The following R3HDM1 variants were observed in gnomAD, a reference collection of about 807,000 sequenced individuals.
R3HDM1 encodes R3H domain containing 1.
Under a neutral mutation model 141.1 loss-of-function variants are expected in R3HDM1, and 46 were observed. That is an observed-to-expected ratio of 0.33 (90% CI 0.26 to 0.42). The LOEUF (loss-of-function observed/expected upper bound fraction) is 0.42, where lower values mean the gene tolerates loss of function less well. Among genes scored for constraint, R3HDM1 ranks in the 10% least tolerant of loss-of-function variants. R3HDM1 has a pLI of 1.00. For synonymous variants in R3HDM1, 435 were observed against 472.9 expected (o/e 0.92, Z 1.04); for missense variants, 1,184 against 1,368.3 (o/e 0.87, Z 2.12).
Position 135,706,380 on chromosome 2 carries a change from TTTTTGTTTTTG to T in R3HDM1, c.2460-3048_2460-3038del, listed in dbSNP as rs1288595962. On this transcript the variant is annotated intron_variant, in intron 21 of 26. Transcript: ENST00000683871. ...ATCCATAGTTTTGTTTTTGTTTTTGTTTTTGTTTTTGTTTTTTTTGAACATTCTTGGGTGTT... is the reference window on the plus strand; with the variant it reads ...ATCCATAGTTTTGTTTTTGTTTTTGTTTTTTTTTGAACATTCTTGGGTGTT... Among the ~76,000 whole-genome samples, 60 of 151,258 alleles carry T rather than the reference TTTTTGTTTTTG, an allele frequency of 4.0e-4. 1 individual carries two copies. Among genetic ancestry groups the T allele is most frequent in the African/African-American group, 1.3e-3 (54 of 40,730 alleles).
chr2:135,537,743 G>T (rs1008554240), intron 1 of R3HDM1, among the ~76,000 whole-genome samples: 1 of 151,100 alleles, frequency 6.6e-6, no homozygotes, highest in African/African-American at 2.4e-5. Flanking sequence ...TGCAACCTCC[G>T]CCTTCTGAGC....
At chr2:135,718,617 G>C (rs927924524) in intron 24 of R3HDM1, among the ~76,000 whole-genome samples, 4 of 151,988 alleles carry the variant, frequency 2.6e-5, no homozygotes, top group African/African-American at 4.8e-5. Flanking sequence ...CTGAGTAACT[G>C]GGCTTACAGG....
intron 11 of R3HDM1, among the ~76,000 whole-genome samples, chr2:135,636,913 AT>A (rs1380702299): frequency 2.0e-5 from 3 of 152,210 alleles, no homozygotes; most frequent in Non-Finnish European, 4.4e-5. Context: ...TGGAGAACAT[AT>A]TCATGGACAG....
chr2:135,652,456 G>A (rs1159410246), intron 18 of R3HDM1, among the ~76,000 whole-genome samples: 4 of 152,218 alleles, frequency 2.6e-5, no homozygotes, highest in African/African-American at 4.8e-5. Flanking sequence ...GCAATGTAGC[G>A]AAACTTTTGA....
intron 1 of R3HDM1, among the ~76,000 whole-genome samples, chr2:135,571,973 T>G (rs1704213604): frequency 1.3e-5 from 2 of 152,212 alleles, no homozygotes; most frequent in South Asian, 4.2e-4. Flanking sequence ...AGACAGTGTC[T>G]CACTTCGTCA....
chr2:135,576,599 CTTATA>C (rs1472831641), intron 1 of R3HDM1, among the ~76,000 whole-genome samples: 1 of 152,146 alleles, frequency 6.6e-6, no homozygotes, highest in African/African-American at 2.4e-5. Flanking sequence ...AAAATTCAAA[CTTATA>C]TGTCCATTGA....
intron 1 of R3HDM1, among the ~76,000 whole-genome samples, chr2:135,582,069 T>C (rs1474794512): frequency 6.6e-6 from 1 of 152,238 alleles, no homozygotes; most frequent in African/African-American, 2.4e-5. Flanking sequence ...GGCTCACACC[T>C]GTAATCCTAG....
At chr2:135,532,968 G>A (rs756732554) in intron 1 of R3HDM1, among the ~76,000 whole-genome samples, 1 of 152,134 alleles carries the variant, frequency 6.6e-6, no homozygotes, top group Non-Finnish European at 1.5e-5. Flanking sequence ...CCATTTCTGA[G>A]GTTTACTTGT....
At chr2:135,684,250 C>T (rs1450884494) in intron 21 of R3HDM1, among the ~76,000 whole-genome samples, 1 of 152,004 alleles carries the variant, frequency 6.6e-6, no homozygotes, top group Non-Finnish European at 1.5e-5. Context: ...GCCACTACGC[C>T]CGGCTAATTT....
chr2:135,544,320 C>G (rs747581166), intron 1 of R3HDM1, among the ~76,000 whole-genome samples: 3 of 152,054 alleles, frequency 2.0e-5, no homozygotes, highest in Non-Finnish European at 2.9e-5. Flanking sequence ...CAAAAAAGGA[C>G]ACCAGAAAAA....
chr2:135,575,316 G>A (rs1426870495), intron 1 of R3HDM1, among the ~76,000 whole-genome samples: 9 of 152,164 alleles, frequency 5.9e-5, no homozygotes, highest in Admixed American at 5.9e-4. Context: ...CAAAATAGCT[G>A]GGATTACAGG....
intron 23 of R3HDM1, among the ~76,000 whole-genome samples, chr2:135,713,418 A>G (rs529639615): frequency 1.3e-5 from 2 of 152,316 alleles, no homozygotes; most frequent in African/African-American, 4.8e-5. Context: ...AGCTCTTTGG[A>G]ATGCACTTTG....
At chr2:135,538,474 A>G (rs922799764) in intron 1 of R3HDM1, among the ~76,000 whole-genome samples, 2 of 152,220 alleles carry the variant, frequency 1.3e-5, no homozygotes, top group African/African-American at 4.8e-5. Context: ...GTAACTTTTT[A>G]CTTTATGAAT....
intron 1 of R3HDM1, among the ~76,000 whole-genome samples, chr2:135,588,155 C>G (rs1264919429): frequency 6.6e-6 from 1 of 151,998 alleles, no homozygotes; most frequent in Non-Finnish European, 1.5e-5. Context: ...TTCCCATTCT[C>G]TGTCTCTTGC....
chr2:135,619,197 A>C (rs1480104854), intron 5 of R3HDM1, among the ~76,000 whole-genome samples: 1 of 152,172 alleles, frequency 6.6e-6, no homozygotes, highest in East Asian at 1.9e-4. Context: ...TGAGGAAAGA[A>C]GGGTCAGGCA....
At chr2:135,617,195 T>TG (rs1039180485) in intron 5 of R3HDM1, among the ~76,000 whole-genome samples, 5 of 151,842 alleles carry the variant, frequency 3.3e-5, no homozygotes, top group African/African-American at 1.2e-4. Context: ...GGCATGGTGG[T>TG]GGGCGCCTGT....
chr2:135,564,965 G>A (rs1048876040), intron 1 of R3HDM1, among the ~76,000 whole-genome samples: 6 of 152,018 alleles, frequency 3.9e-5, no homozygotes, highest in Admixed American at 2.0e-4. Context: ...TTTATGGTCT[G>A]CTTTTTTGTT....
chr2:135,616,117 A>G (rs1559250351), intron 3 of R3HDM1, 35 bp from the exon 4 acceptor site: 1 of 1,596,512 alleles, frequency 6.3e-7, no homozygotes, highest in Non-Finnish European at 8.6e-7. Flanking sequence ...CTGTTTCAGT[A>G]TGAAATTTAA....
intron 1 of R3HDM1, among the ~76,000 whole-genome samples, chr2:135,592,822 C>A (rs951515040): frequency 4.6e-5 from 7 of 151,874 alleles, no homozygotes; most frequent in African/African-American, 1.7e-4. Flanking sequence ...GTGGCGCTAT[C>A]GTAGTGTACT....
Sources: allele counts gnomAD v4.1 joint callset (sites outside exome capture counted in the v4.1 genomes callset), GRCh38; gene constraint gnomAD v4.1.1; transcripts MANE v1.5; gene names NCBI Gene and HGNC (gene_info 2026-07-23, HGNC 2026-07-21).